CADM1: variants seen among roughly 807,000 people sequenced by gnomAD.
The protein encoded by CADM1 is TSLC-1.
In CADM1, 15 loss-of-function variants were observed where a neutral mutation model predicts 53.1. The observed-to-expected ratio is 0.28, with a 90% CI of 0.19 to 0.44. CADM1 has a LOEUF of 0.44. Among genes scored for constraint, CADM1 ranks in the 20% least tolerant of loss-of-function variants. The pLI, the probability that CADM1 is intolerant of heterozygous loss-of-function variation, is 1.00. For synonymous variants in CADM1, 281 were observed against 243.0 expected, an observed-to-expected ratio of 1.16 and a Z score of -1.45; for missense variants, 434 against 611.3, an observed-to-expected ratio of 0.71 and a Z score of 3.06.
intron 1 of CADM1, among the ~76,000 whole-genome samples, chr11:115,433,118 A>G (rs1343904995): frequency 1.3e-5 from 2 of 152,162 alleles, no homozygotes; most frequent in Admixed American, 1.3e-4. Context: ...GGGGGAAGAC[A>G]CAGACCACCC....
intron 1 of CADM1, among the ~76,000 whole-genome samples, chr11:115,432,413 A>G (rs559518668): frequency 6.6e-6 from 1 of 152,310 alleles, no homozygotes; most frequent in East Asian, 1.9e-4. Context: ...GAACTTATGC[A>G]TTATAATTAT....
intron 9 of CADM1, among the ~76,000 whole-genome samples, chr11:115,195,332 A>T (rs915709096): frequency 1.3e-5 from 2 of 152,220 alleles, no homozygotes; most frequent in African/African-American, 2.4e-5. Flanking sequence ...ACTGGTATAA[A>T]CTTCATACAT....
chr11:115,285,554 T>C (rs551377981), intron 1 of CADM1, among the ~76,000 whole-genome samples: 1 of 152,276 alleles, frequency 6.6e-6, no homozygotes, highest in African/African-American at 2.4e-5. Context: ...TGCAAGTTGG[T>C]ATAAGGAAAG....
chr11:115,175,470 G>C lies in CADM1; in HGVS notation c.*1004C>G, dbSNP rs1032521333. The C allele has an allele frequency of 1.0e-6, 1 of 985,472 alleles. No homozygotes were observed. Among genetic ancestry groups the C allele is most frequent in the Non-Finnish European group, 1.2e-6 (1 of 829,948 alleles). 61.0% of individuals were successfully genotyped at this position (985,472 alleles called of 1,614,324 possible). A position where few individuals can be genotyped will look rare whatever the true frequency, so the allele number is the denominator to read the frequency against. ...AAATTAGTGAGAAGTAAGGCCGATT[G>C]GGAAAGGTGGATGGAATCATTTGGA... On this transcript the variant is annotated 3_prime_UTR_variant, in exon 12 of 12. Transcript: ENST00000331581.
chr11:115,300,195 G>T lies in CADM1; in HGVS notation c.125-59775C>A, dbSNP rs1413794832. ...ACTGTTAGCTACTCGGTGATGATGT[G>T]AATAACATTCCTAGAGACCTCCTGA... On this transcript the variant is annotated intron_variant, in intron 1 of 11. Coordinates refer to ENST00000331581, the MANE Select transcript of CADM1 (RefSeq NM_001301043.2). Among the ~76,000 whole-genome samples the T allele has an allele frequency of 3.9e-5, 6 of 152,114 alleles. No individual in the cohort carries two copies. The South Asian group carries it at 1.0e-3, about 26-fold the overall frequency.
At chr11:115,338,407 A>G (rs952122879) in intron 1 of CADM1, among the ~76,000 whole-genome samples, 1 of 152,154 alleles carries the variant, frequency 6.6e-6, no homozygotes, top group Non-Finnish European at 1.5e-5. Flanking sequence ...ATACTAAATT[A>G]CCTAGTGTTC....
At chr11:115,227,164 CT>C (rs1319974009) in intron 5 of CADM1, among the ~76,000 whole-genome samples, 2 of 152,038 alleles carry the variant, frequency 1.3e-5, no homozygotes, top group Non-Finnish European at 2.9e-5. Flanking sequence ...TTGGTGCATC[CT>C]TGTTTTTGGA....
chr11:115,492,932 T>C (rs866724111), intron 1 of CADM1, among the ~76,000 whole-genome samples: 28 of 146,842 alleles, frequency 1.9e-4, no homozygotes, highest in African/African-American at 5.3e-4. Context: ...GGATATTTTA[T>C]ACACACACAC....
At chr11:115,214,821 C>A (rs1280644661) in intron 6 of CADM1, 41 bp from the exon 7 acceptor site, 1 of 1,594,648 alleles carries the variant, frequency 6.3e-7, no homozygotes, top group African/African-American at 1.3e-5. Context: ...CATTATCATT[C>A]CCCATTGCAT....
intron 10 of CADM1, chr11:115,190,540 C>T: frequency 5.0e-6 from 1 of 198,700 alleles, no homozygotes. Flanking sequence ...ATCCAACATC[C>T]TTAAATTGCT....
At chr11:115,296,736 G>C (rs1944088543) in intron 1 of CADM1, among the ~76,000 whole-genome samples, 1 of 152,096 alleles carries the variant, frequency 6.6e-6, no homozygotes, top group Admixed American at 6.5e-5. Flanking sequence ...CTCTGTTTTA[G>C]CAAGACAAAA....
At chr11:115,266,962 G>A (rs921529574) in intron 1 of CADM1, among the ~76,000 whole-genome samples, 2 of 152,234 alleles carry the variant, frequency 1.3e-5, no homozygotes, top group African/African-American at 2.4e-5. Flanking sequence ...GTTACTCTGC[G>A]ATTATGGGTT....
intron 1 of CADM1, among the ~76,000 whole-genome samples, chr11:115,451,829 C>G (rs17118345): frequency 2.0e-5 from 3 of 151,948 alleles, no homozygotes; most frequent in Non-Finnish European, 2.9e-5. Flanking sequence ...TATAAAACAC[C>G]GGTGGAATTA....
At chr11:115,318,775 T>A (rs186285159) in intron 1 of CADM1, among the ~76,000 whole-genome samples, 67 of 152,244 alleles carry the variant, frequency 4.4e-4, no homozygotes, top group African/African-American at 1.2e-3. Flanking sequence ...AATAAAGACA[T>A]ACTCAAAGAT....
intron 1 of CADM1, among the ~76,000 whole-genome samples, chr11:115,474,029 C>T (rs1010065312): frequency 6.6e-6 from 1 of 151,938 alleles, no homozygotes; most frequent in Non-Finnish European, 1.5e-5. Context: ...GGCACAGTGG[C>T]TCACACCTGT....
At chr11:115,312,903 G>A (rs1944567461) in intron 1 of CADM1, among the ~76,000 whole-genome samples, 1 of 152,116 alleles carries the variant, frequency 6.6e-6, no homozygotes, top group African/African-American at 2.4e-5. Context: ...CCAAGAGATG[G>A]CTGGGAGTAT....
At position 115,492,970 on chromosome 11, in the gene CADM1, T is replaced by A. The variant is rs184870070; in HGVS notation, c.124+11301A>T. ...ACACACACACACACACACCCTTGTT[T>A]GCTCACGGAAAAGTTTAGAAACAAT... On this transcript the variant is annotated intron_variant, in intron 1 of 11. Coordinates refer to ENST00000331581, the MANE Select transcript of CADM1 (RefSeq NM_001301043.2). Among the ~76,000 whole-genome samples the A allele has an allele frequency of 1.7e-4, 25 of 151,272 alleles. No individual in the cohort carries two copies. In the East Asian group the frequency reaches 4.3e-3, roughly 26 times the overall value.
intron 1 of CADM1, among the ~76,000 whole-genome samples, chr11:115,320,182 G>T (rs1271936583): frequency 6.6e-6 from 1 of 151,954 alleles, no homozygotes; most frequent in African/African-American, 2.4e-5. Context: ...CTCACCTCAG[G>T]CTCCCGAGCA....
chr11:115,302,126 GA>G (rs1207069388), intron 1 of CADM1, among the ~76,000 whole-genome samples: 1 of 151,886 alleles, frequency 6.6e-6, no homozygotes, highest in Non-Finnish European at 1.5e-5. Context: ...ACATAGAGGG[GA>G]ACCACACACA....
Sources: allele counts gnomAD v4.1 joint callset (sites outside exome capture counted in the v4.1 genomes callset), GRCh38; gene constraint gnomAD v4.1.1; transcripts MANE v1.5; gene names NCBI Gene and HGNC (gene_info 2026-07-23, HGNC 2026-07-21).